The following EPHA6 variants were observed in gnomAD, a reference collection of about 807,000 sequenced individuals.
EPHA6 encodes the protein EPH receptor A6.
Under a neutral mutation model 112.0 loss-of-function variants are expected in EPHA6, and 50 were observed. The ratio of observed to expected loss-of-function variants is 0.45; its 90% CI spans 0.36 to 0.56. The LOEUF (loss-of-function observed/expected upper bound fraction) is 0.56, where lower values mean the gene tolerates loss of function less well. Ranked by LOEUF, EPHA6 falls within the 20% of genes least tolerant of loss-of-function variation. The probability of loss-of-function intolerance (pLI) is 0.00; values close to 1 mark genes in which losing one functional copy is unlikely to be tolerated. For missense variants in EPHA6, 1,280 were observed against 1,417.4 expected (o/e 0.90, Z 1.56); for synonymous variants, 529 against 490.7 (o/e 1.08, Z -1.03).
intron 11 of EPHA6, chr3:97,559,558 G>T (rs766427553): frequency 4.4e-6 from 2 of 450,756 alleles, no homozygotes; most frequent in South Asian, 3.1e-5. Context: ...AACCTGTGTT[G>T]CCTACCCTAC....
At chr3:97,553,377 T>TC (rs1209065023) in intron 11 of EPHA6, among the ~76,000 whole-genome samples, 4 of 151,990 alleles carry the variant, frequency 2.6e-5, no homozygotes, top group African/African-American at 9.7e-5. Flanking sequence ...AAAGTAGCCC[T>TC]CCCCAACCCC....
chr3:97,042,987 A>G (rs981466818), intron 3 of EPHA6, among the ~76,000 whole-genome samples: 27 of 152,132 alleles, frequency 1.8e-4, no homozygotes, highest in African/African-American at 6.5e-4. Flanking sequence ...AGCCTTAATA[A>G]CAGAGTGGCA....
intron 5 of EPHA6, among the ~76,000 whole-genome samples, chr3:97,291,308 G>A (rs569962259): frequency 3.9e-5 from 6 of 152,220 alleles, no homozygotes; most frequent in African/African-American, 1.4e-4. Context: ...AATCTATCGT[G>A]GAGAATATTC....
At chr3:97,141,271 C>A (rs1308067181) in intron 3 of EPHA6, among the ~76,000 whole-genome samples, 1 of 151,930 alleles carries the variant, frequency 6.6e-6, no homozygotes, top group Non-Finnish European at 1.5e-5. Flanking sequence ...TGGAGAGATC[C>A]TCAAAGCAGA....
chr3:97,438,458 T>A lies in EPHA6; in HGVS notation c.1732-10110T>A, dbSNP rs549756875. Reference sequence around the variant, plus strand: ...AAAAGTAATTTTTCTCATCTCCCATTTGAATTGTCATTAATTTATGCCAAC... The same window carrying A: ...AAAAGTAATTTTTCTCATCTCCCATATGAATTGTCATTAATTTATGCCAAC... On this transcript the variant is annotated intron_variant, in intron 6 of 17. Coordinates refer to ENST00000389672, the MANE Select transcript of EPHA6 (RefSeq NM_001080448.3). Among the ~76,000 whole-genome samples the A allele has an allele frequency of 1.3e-3, 194 of 152,296 alleles. 1 individual carries two copies. Among genetic ancestry groups the A allele is most frequent in the African/African-American group, 4.2e-3 (173 of 41,572 alleles).
intron 15 of EPHA6, among the ~76,000 whole-genome samples, chr3:97,721,775 T>C (rs746364294): frequency 2.0e-5 from 3 of 152,252 alleles, no homozygotes; most frequent in South Asian, 2.1e-4. Context: ...TTCCCTGCCA[T>C]TGGGCTTTGT....
At chr3:97,264,092 G>T (rs2079591491) in intron 5 of EPHA6, among the ~76,000 whole-genome samples, 1 of 152,170 alleles carries the variant, frequency 6.6e-6, no homozygotes, top group African/African-American at 2.4e-5. Context: ...CTCTTTCCTT[G>T]TAATATGAAA....
intron 11 of EPHA6, among the ~76,000 whole-genome samples, chr3:97,539,668 G>T (rs986357111): frequency 4.6e-5 from 7 of 152,150 alleles, no homozygotes; most frequent in African/African-American, 1.2e-4. Context: ...CAAGGAGCTA[G>T]AAGACAATGG....
intron 3 of EPHA6, among the ~76,000 whole-genome samples, chr3:97,180,698 A>G (rs924493740): frequency 6.6e-6 from 1 of 152,042 alleles, no homozygotes; most frequent in Non-Finnish European, 1.5e-5. Flanking sequence ...CTGATGCCCT[A>G]TCCTGCTATG....
intron 5 of EPHA6, among the ~76,000 whole-genome samples, chr3:97,384,060 TA>T (rs1223520409): frequency 6.6e-6 from 1 of 152,198 alleles, no homozygotes; most frequent in Non-Finnish European, 1.5e-5. Flanking sequence ...TTTCTAGATT[TA>T]TAATGTTGAC....
intron 2 of EPHA6, among the ~76,000 whole-genome samples, chr3:96,966,514 G>A (rs149995306): frequency 3.9e-5 from 6 of 152,228 alleles, no homozygotes; most frequent in South Asian, 2.1e-4. Context: ...GAGATTTGGC[G>A]TAATTACGTA....
At chr3:97,048,959 T>A (rs926059007) in intron 3 of EPHA6, among the ~76,000 whole-genome samples, 10 of 152,198 alleles carry the variant, frequency 6.6e-5, no homozygotes, top group African/African-American at 2.4e-4. Flanking sequence ...AGATGATATT[T>A]AAGTAAAGAC....
intron 2 of EPHA6, among the ~76,000 whole-genome samples, chr3:96,911,843 T>G (rs2039232089): frequency 6.6e-6 from 1 of 152,010 alleles, no homozygotes; most frequent in African/African-American, 2.4e-5. Flanking sequence ...ATCTACCTAT[T>G]TCAGTATATG....
At chr3:97,020,922 A>T (rs536548382) in intron 3 of EPHA6, among the ~76,000 whole-genome samples, 11 of 145,130 alleles carry the variant, frequency 7.6e-5, no homozygotes, top group East Asian at 4.6e-4. Context: ...TTTTTTTTTT[A>T]AAAAGTCAAC....
chr3:96,928,317 A>G (rs2040144724), intron 2 of EPHA6, among the ~76,000 whole-genome samples: 1 of 152,170 alleles, frequency 6.6e-6, no homozygotes, highest in African/African-American at 2.4e-5. Flanking sequence ...AGATTCTGGT[A>G]TATTAGCTGT....
chr3:96,938,754 A>G (rs1428023558), intron 2 of EPHA6, among the ~76,000 whole-genome samples: 1 of 151,720 alleles, frequency 6.6e-6, no homozygotes, highest in East Asian at 1.9e-4. Flanking sequence ...TTTGTCATAG[A>G]TAGCTCTTAT....
chr3:96,872,236 G>T (rs529536484), intron 2 of EPHA6, among the ~76,000 whole-genome samples: 3 of 152,044 alleles, frequency 2.0e-5, no homozygotes, highest in African/African-American at 7.2e-5. Context: ...CAAAGCCAGC[G>T]TTTGTTTCTT....
chr3:96,928,594 G>C (rs963159497), intron 2 of EPHA6, among the ~76,000 whole-genome samples: 1 of 152,158 alleles, frequency 6.6e-6, no homozygotes, highest in African/African-American at 2.4e-5. Flanking sequence ...TGTATATTCT[G>C]TTATTTTTGG....
chr3:97,588,594 A>G (rs1024738749), intron 11 of EPHA6, among the ~76,000 whole-genome samples: 2 of 152,236 alleles, frequency 1.3e-5, no homozygotes, highest in African/African-American at 2.4e-5. Flanking sequence ...GGGAATCTGC[A>G]TTAGGAAATT....
Sources: gnomAD v4.1 joint callset for allele counts (sites outside exome capture counted in the v4.1 genomes callset) on GRCh38, gnomAD v4.1.1 for gene constraint, MANE v1.5 for transcripts, NCBI Gene and HGNC (gene_info 2026-07-23, HGNC 2026-07-21) for gene names.